DEFA1B: variants seen among roughly 807,000 people sequenced by gnomAD.
DEFA1B encodes defensin alpha 1B, also known as neutrophil defensin 1.
intron 1 of DEFA1B, 103 bp downstream of exon 1, chr8:6,999,020 C>A (rs1365573720): frequency 9.6e-6 from 1 of 104,068 alleles, no homozygotes; most frequent in African/African-American, 3.2e-5. Flanking sequence ...CAGGGATTCG[C>A]CCGCTGGTTC....
intron 1 of DEFA1B, among the ~76,000 whole-genome samples, chr8:6,998,842 C>A (rs1485369195): frequency 7.7e-5 from 8 of 104,378 alleles, no homozygotes; most frequent in Non-Finnish European, 1.8e-4. Context: ...GACCAAGGAC[C>A]TAAATAGGTT....
At chr8:6,999,002 G>A (rs1810598286) in intron 1 of DEFA1B, 121 bp downstream of exon 1, 1 of 106,934 alleles carries the variant, frequency 9.4e-6, no homozygotes, top group Non-Finnish European at 2.2e-5. Context: ...CCGGACAGAC[G>A]TTCCTAGCAG....
chr8:6,998,776 A>G (rs1242544535), intron 1 of DEFA1B, among the ~76,000 whole-genome samples: 1 of 58,520 alleles, frequency 1.7e-5, no homozygotes, highest in African/African-American at 8.5e-5. Flanking sequence ...ATATCTGAAT[A>G]CATAAGGAAT....
chr8:6,999,020 C>T (rs1365573720), intron 1 of DEFA1B, 103 bp downstream of exon 1: 1 of 104,068 alleles, frequency 9.6e-6, no homozygotes, highest in African/African-American at 3.2e-5. Flanking sequence ...CAGGGATTCG[C>T]CCGCTGGTTC....
rs1436527978 is a variant in DEFA1B, at chr8:6,998,962, A to T, written c.-13+161T>A. Among the ~76,000 whole-genome samples the T allele has an allele frequency of 9.9e-5, 11 of 110,962 alleles. No individual in the cohort carries two copies. In the East Asian group the frequency reaches 2.5e-3, roughly 25 times the overall value. The allele number at this position is 110,962 out of a possible 152,430, so 72.8% of individuals were successfully genotyped here. On this transcript the variant is annotated intron_variant, in intron 1 of 2. Coordinates refer to ENST00000382689, the MANE Select transcript of DEFA1B (RefSeq NM_001042500.2). Reference sequence around the variant, plus strand: ...TGAGTTTCTCTATTAAGTTAGCTGGAAGCCATCGTCCCCAGCAGTCACCAG... The same window carrying T: ...TGAGTTTCTCTATTAAGTTAGCTGGTAGCCATCGTCCCCAGCAGTCACCAG...
chr8:6,998,941 T>A (rs1810595989), intron 1 of DEFA1B, among the ~76,000 whole-genome samples, 182 bp downstream of exon 1: 1 of 113,082 alleles, frequency 8.8e-6, no homozygotes, highest in Non-Finnish European at 2.1e-5. Context: ...ACTGCTTGAG[T>A]TTCTCTATTA....
chr8:6,998,886 G>A (rs1810593570), intron 1 of DEFA1B, among the ~76,000 whole-genome samples: 2 of 112,788 alleles, frequency 1.8e-5, no homozygotes, highest in Non-Finnish European at 2.1e-5. Flanking sequence ...ACCTGTGATA[G>A]TCTCTACTGG....
At chr8:6,999,060 A>T (rs1252774816) in intron 1 of DEFA1B, 63 bp downstream of exon 1, 2 of 92,272 alleles carry the variant, frequency 2.2e-5, no homozygotes, top group African/African-American at 7.5e-5. Flanking sequence ...GTCAGAGGTC[A>T]GATTGGAGGC....
chr8:6,998,944 C>G (rs1810596056), intron 1 of DEFA1B, among the ~76,000 whole-genome samples, 179 bp downstream of exon 1: 1 of 113,074 alleles, frequency 8.8e-6, no homozygotes, highest in African/African-American at 2.9e-5. Context: ...GCTTGAGTTT[C>G]TCTATTAAGT....
At position 6,999,009 on chromosome 8, in the gene DEFA1B, G is replaced by A. The variant is rs1356259541; in HGVS notation, c.-13+114C>T. ...CCAGAGGTCCGGACAGACGTTCCTA[G>A]CAGGGATTCGCCCGCTGGTTCCCTC... On this transcript the variant is annotated intron_variant, in intron 1 of 2. Transcript: ENST00000382689. 4 of 106,342 alleles carry A rather than the reference G, an allele frequency of 3.8e-5. No homozygotes were observed. In the East Asian group the frequency reaches 9.4e-4, roughly 25 times the overall value. The allele number at this position is 106,342 out of a possible 1,614,324, so 6.6% of individuals were successfully genotyped here.
rs1325050404 is a variant in DEFA1B at position 6,999,018 on chromosome 8, C to T, written c.-13+105G>A. On this transcript the variant is annotated intron_variant, in intron 1 of 2. Transcript: ENST00000382689. ...CGGACAGACGTTCCTAGCAGGGATT[C>T]GCCCGCTGGTTCCCTCTGGGGTGGC... 7.6e-5 allele frequency: 8 copies of T among 105,012 alleles called. 1 individual carries two copies. Among genetic ancestry groups the T allele is most frequent in the Admixed American group, 2.0e-4 (2 of 9,982 alleles). 6.5% of individuals were successfully genotyped at this position (105,012 alleles called of 1,614,324 possible).
chr8:6,998,993 C>G (rs1416804868), intron 1 of DEFA1B, 130 bp downstream of exon 1: 2 of 106,952 alleles, frequency 1.9e-5, no homozygotes, highest in Admixed American at 9.7e-5. Context: ...ACCAGAGGTC[C>G]GGACAGACGT....
Position 6,999,022 on chromosome 8 carries a change from C to T in DEFA1B, c.-13+101G>A, listed in dbSNP as rs1235327395. The T allele has an allele frequency of 3.2e-4, 33 of 103,994 alleles. No individual in the cohort carries two copies. In the East Asian group the frequency reaches 5.5e-3, roughly 17 times the overall value. 6.4% of individuals were successfully genotyped at this position (103,994 alleles called of 1,614,324 possible). A position where few individuals can be genotyped will look rare whatever the true frequency, so the allele number is the denominator to read the frequency against. On this transcript the variant is annotated intron_variant, in intron 1 of 2. Coordinates refer to ENST00000382689, the MANE Select transcript of DEFA1B (RefSeq NM_001042500.2). ...CAGACGTTCCTAGCAGGGATTCGCC[C>T]GCTGGTTCCCTCTGGGGTGGCCCCA...
At position 6,999,134 on chromosome 8, in the gene DEFA1B, C is replaced by G. The variant is rs1246660548; in HGVS notation, c.-24G>C. The G allele has an allele frequency of 4.0e-5, 4 of 99,952 alleles. No homozygotes were observed. The highest frequency in any genetic ancestry group is 1.4e-4 in the African/African-American group (4 of 29,288). 6.2% of individuals were successfully genotyped at this position (99,952 alleles called of 1,614,324 possible). The stretch of plus-strand genomic sequence containing the variant: ...TTTGTAGTACTTACAGATCCTCTAG[C>G]TAGGCAGGGTGACCAGAGAGGGCAG... On this transcript the variant is annotated 5_prime_UTR_variant, in exon 1 of 3. Transcript: ENST00000382689.
intron 1 of DEFA1B, among the ~76,000 whole-genome samples, chr8:6,998,847 T>C (rs1810592075): frequency 9.5e-6 from 1 of 105,280 alleles, no homozygotes; most frequent in Non-Finnish European, 2.2e-5. Flanking sequence ...AGGACCTAAA[T>C]AGGTTTCTCT....
chr8:6,998,919 G>A (rs139043610), intron 1 of DEFA1B, among the ~76,000 whole-genome samples: 5 of 110,598 alleles, frequency 4.5e-5, no homozygotes, highest in Non-Finnish European at 8.6e-5. Context: ...GGACATGTGT[G>A]TTTAGAAGGA....
intron 1 of DEFA1B, 81 bp downstream of exon 1, chr8:6,999,042 G>A (rs1440120081): frequency 4.2e-5 from 4 of 95,532 alleles, no homozygotes; most frequent in African/African-American, 1.1e-4. Context: ...CTCTGGGGTG[G>A]CCCCACAGTC....
intron 1 of DEFA1B, among the ~76,000 whole-genome samples, 192 bp downstream of exon 1, chr8:6,998,931 A>T (rs1481020878): frequency 8.8e-6 from 1 of 114,008 alleles, no homozygotes; most frequent in African/African-American, 2.9e-5. Flanking sequence ...TTAGAAGGAA[A>T]CTGCTTGAGT....
At chr8:6,998,946 C>G (rs1211681901) in intron 1 of DEFA1B, among the ~76,000 whole-genome samples, 177 bp downstream of exon 1, 7 of 112,884 alleles carry the variant, frequency 6.2e-5, no homozygotes, top group Admixed American at 3.6e-4. Flanking sequence ...TTGAGTTTCT[C>G]TATTAAGTTA....
Sources: gnomAD v4.1 joint callset for allele counts (sites outside exome capture counted in the v4.1 genomes callset) on GRCh38, gnomAD v4.1.1 for gene constraint, MANE v1.5 for transcripts, NCBI Gene and HGNC (gene_info 2026-07-23, HGNC 2026-07-21) for gene names.